FAM91A1: variants seen among roughly 807,000 people sequenced by gnomAD.
FAM91A1 encodes the protein protein FAM91A1.
Under a neutral mutation model 113.5 loss-of-function variants are expected in FAM91A1, and 41 were observed. The ratio of observed to expected loss-of-function variants is 0.36; its 90% CI spans 0.28 to 0.47. FAM91A1 has a LOEUF of 0.47. Ranked by LOEUF, FAM91A1 falls within the 20% of genes least tolerant of loss-of-function variation. FAM91A1 has a pLI of 1.00. For missense variants in FAM91A1, 696 were observed against 1,001.2 expected (o/e 0.70, Z 4.11); for synonymous variants, 307 against 347.9 (o/e 0.88, Z 1.31).
intron 18 of FAM91A1, among the ~76,000 whole-genome samples, chr8:123,802,439 A>G (rs950476284): frequency 6.6e-6 from 1 of 152,004 alleles, no homozygotes; most frequent in African/African-American, 2.4e-5. Flanking sequence ...ACATCACAGG[A>G]GGTGGTGATA....
rs1050986755 is a variant in FAM91A1 at position 123,805,965 on chromosome 8, A to G, written c.1883-115A>G. ...ATATATTTCTTTTTTGGAATCAATT[A>G]TGATGTATTAAAGTATAAAAGTAGT... On this transcript the variant is annotated intron_variant, in intron 19 of 23. Transcript: ENST00000334705. 6.1e-6 allele frequency: 6 copies of G among 985,448 alleles called. No homozygotes were observed. In the Admixed American group the frequency reaches 1.2e-4, roughly 20 times the overall value. The allele number at this position is 985,448 out of a possible 1,614,324, so 61.0% of individuals were successfully genotyped here.
intron 13 of FAM91A1, 39 bp from the exon 14 acceptor site, chr8:123,787,625 G>A (rs1815291037): frequency 6.7e-7 from 1 of 1,493,916 alleles, no homozygotes; most frequent in Admixed American, 1.8e-5. Context: ...GCATAAAAAG[G>A]GAGAAGTAGA....
At chr8:123,800,588 GCCATCACCACA>G (rs1187012923) in intron 18 of FAM91A1, among the ~76,000 whole-genome samples, 1 of 152,066 alleles carries the variant, frequency 6.6e-6, no homozygotes, top group African/African-American at 2.4e-5. Context: ...GATATGTACA[GCCATCACCACA>G]CTCAATTTTA....
chr8:123,792,431 T>C lies in FAM91A1; in HGVS notation c.1411+2686T>C, dbSNP rs1344862219. Among the ~76,000 whole-genome samples, 3 of 152,164 alleles carry C rather than the reference T, an allele frequency of 2.0e-5. No individual in the cohort carries two copies. The East Asian group carries it at 5.8e-4, about 29-fold the overall frequency. On this transcript the variant is annotated intron_variant, in intron 15 of 23. Coordinates refer to ENST00000334705, the MANE Select transcript of FAM91A1 (RefSeq NM_144963.4). ...ACTGTTTATAAATAAAAGTCATGCG[T>C]GGTCTGTTTTTTTCTCGTTTTCTAA... is the stretch of plus-strand genomic sequence containing the variant.
intron 9 of FAM91A1, 35 bp downstream of exon 9, chr8:123,784,611 C>T (rs1251583515): frequency 6.8e-7 from 1 of 1,468,702 alleles, no homozygotes; most frequent in Non-Finnish European, 9.3e-7. Flanking sequence ...AATATAATCT[C>T]AAGATTGTAA....
intron 5 of FAM91A1, among the ~76,000 whole-genome samples, chr8:123,778,315 C>T (rs1235700254): frequency 6.6e-6 from 1 of 151,844 alleles, no homozygotes; most frequent in Non-Finnish European, 1.5e-5. Context: ...TATTTTTGTT[C>T]TCTTAGTCTT....
At chr8:123,803,782 G>A (rs1815742033) in intron 18 of FAM91A1, among the ~76,000 whole-genome samples, 1 of 152,144 alleles carries the variant, frequency 6.6e-6, no homozygotes, top group African/African-American at 2.4e-5. Flanking sequence ...ATAAAAGAGA[G>A]CTCTCAGAAA....
chr8:123,773,932 C>T (rs1814918005), intron 1 of FAM91A1, 148 bp from the exon 2 acceptor site: 2 of 603,906 alleles, frequency 3.3e-6, no homozygotes, highest in Non-Finnish European at 5.6e-6. Context: ...AGTATAATAA[C>T]ATTTAAGAAA....
chr8:123,780,612 G>A (rs989841776), intron 8 of FAM91A1, 70 bp downstream of exon 8: 4 of 1,230,960 alleles, frequency 3.2e-6, no homozygotes, highest in African/African-American at 1.5e-5. Flanking sequence ...CATATCATCC[G>A]TTCTAGGATC....
In FAM91A1 at chr8:123,786,489, T is replaced by C. The variant is rs1222141264; in HGVS notation, c.963-6T>C. The C allele has an allele frequency of 6.3e-7, 1 of 1,594,818 alleles. No homozygotes were observed. Among genetic ancestry groups the C allele is most frequent in the Non-Finnish European group, 8.6e-7 (1 of 1,163,644 alleles). On this transcript the variant is annotated splice_polypyrimidine_tract_variant and splice_region_variant and intron_variant, in intron 11 of 23. Coordinates refer to ENST00000334705, the MANE Select transcript of FAM91A1 (RefSeq NM_144963.4). ...TTTAAAAAGCAAATGCATTCTTCAT[T>C]AATAGGAGTACCTTAGATCCACAGA...
chr8:123,793,666 A>T (rs542993959), intron 15 of FAM91A1, among the ~76,000 whole-genome samples: 6 of 152,180 alleles, frequency 3.9e-5, no homozygotes, highest in African/African-American at 1.4e-4. Context: ...TTGTGTATTT[A>T]TTCTGCCTCA....
chr8:123,806,031 TTG>T, intron 19 of FAM91A1, 47 bp from the exon 20 acceptor site: 1 of 1,457,956 alleles, frequency 6.9e-7, no homozygotes. Flanking sequence ...GCTGTTGGCG[TTG>T]TGTTATTAGA....
At chr8:123,791,973 A>G (rs1174246858) in intron 15 of FAM91A1, among the ~76,000 whole-genome samples, 1 of 152,120 alleles carries the variant, frequency 6.6e-6, no homozygotes, top group Non-Finnish European at 1.5e-5. Flanking sequence ...TCAGGAGTTC[A>G]ACACCAGCAT....
At chr8:123,810,493 T>A in intron 23 of FAM91A1, 142 bp downstream of exon 23, 1 of 870,664 alleles carries the variant, frequency 1.1e-6, no homozygotes, top group Non-Finnish European at 1.9e-6. Context: ...ACATTGAGAT[T>A]CAAGAAGTTA....
At chr8:123,799,940 C>T (rs1437628489) in intron 18 of FAM91A1, 55 bp downstream of exon 18, 3 of 1,383,706 alleles carry the variant, frequency 2.2e-6, no homozygotes, top group Middle Eastern at 2.1e-4. Flanking sequence ...GATAATTTTT[C>T]TAGCTTTCTA....
chr8:123,799,608 T>C lies in FAM91A1; in HGVS notation c.1649T>C (p.Leu550Ser). The C allele has an allele frequency of 6.2e-7, 1 of 1,614,166 alleles. No individual in the cohort carries two copies. Among genetic ancestry groups the C allele is most frequent in the East Asian group, 2.2e-5 (1 of 44,866 alleles). ...ACTGGACAAGGACCACCATCCCTTT[T>C]ATTGTCCAAAGGTACAAGACTTCGA... is the stretch of plus-strand genomic sequence containing the variant. ...HVTGQGPPSL[L>S]LSKGTRLRKL... is the part of the protein sequence containing the mutation. Residue 550 changes from leucine (L) to serine (S), a missense_variant, in exon 17 of 24, where the codon TTA (leucine) becomes TCA (serine). Leu to Ser is a moderately radical substitution (Grantham distance 145). Coordinates refer to ENST00000334705, the MANE Select transcript of FAM91A1 (RefSeq NM_144963.4).
chr8:123,784,439 CACT>C, intron 8 of FAM91A1, 28 bp from the exon 9 acceptor site: 1 of 1,490,466 alleles, frequency 6.7e-7, no homozygotes, highest in Non-Finnish European at 9.2e-7. Context: ...AAATCTGTAC[CACT>C]GAGAAAAATC....
Position 123,810,625 on chromosome 8 carries a change from A to C in FAM91A1, c.2331+274A>C, listed in dbSNP as rs565113459. On this transcript the variant is annotated intron_variant, in intron 23 of 23. Coordinates refer to ENST00000334705, the MANE Select transcript of FAM91A1 (RefSeq NM_144963.4). ...TCTTTTATGGGCTGTGTGCCATGCT[A>C]GGTGTTAGTTTTTGGTTATAGCGCA... 36 of 487,802 alleles carry C rather than the reference A, an allele frequency of 7.4e-5. No homozygotes were observed. In the Admixed American group the frequency reaches 8.5e-4, roughly 11 times the overall value. The allele number at this position is 487,802 out of a possible 1,614,324, so 30.2% of individuals were successfully genotyped here.
intron 14 of FAM91A1, among the ~76,000 whole-genome samples, chr8:123,789,095 C>A (rs1310075739): frequency 6.6e-6 from 1 of 152,126 alleles, no homozygotes; most frequent in South Asian, 2.1e-4. Context: ...ATTACTCTAT[C>A]CTTATCTCCT....
Sources: gnomAD v4.1 joint callset for allele counts (sites outside exome capture counted in the v4.1 genomes callset) on GRCh38, gnomAD v4.1.1 for gene constraint, MANE v1.5 for transcripts, NCBI Gene and HGNC (gene_info 2026-07-23, HGNC 2026-07-21) for gene names.